Variants in HIPK3 observed in about 807,000 individuals in gnomAD.
The protein encoded by HIPK3 is homeodomain-interacting protein kinase 3.
HIPK3 carries 47 observed loss-of-function variants against 124.2 expected under a neutral mutation model. The ratio of observed to expected loss-of-function variants is 0.38; its 90% CI spans 0.30 to 0.48. The LOEUF (loss-of-function observed/expected upper bound fraction) is 0.48, where lower values mean the gene tolerates loss of function less well. Among genes scored for constraint, HIPK3 ranks in the 20% least tolerant of loss-of-function variants. HIPK3 has a pLI of 0.98. For missense variants in HIPK3, 1,286 were observed against 1,454.3 expected, an observed-to-expected ratio of 0.88 and a Z score of 1.88; for synonymous variants, 482 against 515.2, an observed-to-expected ratio of 0.94 and a Z score of 0.87.
intron 12 of HIPK3, 63 bp from the exon 13 acceptor site, chr11:33,348,459 C>A: frequency 1.5e-6 from 2 of 1,357,580 alleles, no homozygotes; most frequent in Non-Finnish European, 1.0e-6. Flanking sequence ...TAACAAGATA[C>A]CTTAGACAAT....
intron 1 of HIPK3, among the ~76,000 whole-genome samples, chr11:33,285,417 G>A (rs1162965892): frequency 6.6e-6 from 1 of 152,076 alleles, no homozygotes; most frequent in Non-Finnish European, 1.5e-5. Flanking sequence ...TGGGTAGAAA[G>A]TCATTAACTT....
intron 7 of HIPK3, 25 bp from the exon 8 acceptor site, chr11:33,341,538 C>G (rs755038088): frequency 1.3e-5 from 21 of 1,588,764 alleles, no homozygotes; most frequent in East Asian, 2.2e-5. Context: ...GAAGACTGCT[C>G]TATATAATGT....
chr11:33,295,585 G>GA, intron 2 of HIPK3, among the ~76,000 whole-genome samples: 1 of 152,352 alleles, frequency 6.6e-6, no homozygotes, highest in East Asian at 1.9e-4. Flanking sequence ...GTTAAGGCCC[G>GA]ACAGCTGCAG....
chr11:33,330,040 G>T (rs899250770), intron 3 of HIPK3, among the ~76,000 whole-genome samples: 9 of 152,108 alleles, frequency 5.9e-5, no homozygotes, highest in Non-Finnish European at 1.0e-4. Flanking sequence ...CCCAGTAACT[G>T]CCCCCTTTTC....
In HIPK3 at chr11:33,353,797, T is replaced by A; in HGVS notation, c.*229T>A. 1 of 470,994 alleles carries A rather than the reference T, an allele frequency of 2.1e-6. No homozygotes were observed. Among genetic ancestry groups the A allele is most frequent in the Non-Finnish European group, 3.9e-6 (1 of 258,778 alleles). 29.2% of individuals were successfully genotyped at this position (470,994 alleles called of 1,614,324 possible). Reference sequence around the variant, plus strand: ...TATGTAGTAACTCTAGACAGGTGACTTATGGGAGCAGAAGTCCAGTTTTGC... The same window carrying A: ...TATGTAGTAACTCTAGACAGGTGACATATGGGAGCAGAAGTCCAGTTTTGC... On this transcript the variant is annotated 3_prime_UTR_variant, in exon 17 of 17. Transcript: ENST00000303296.
At chr11:33,340,426 G>T (rs1209017708) in intron 6 of HIPK3, among the ~76,000 whole-genome samples, 1 of 152,200 alleles carries the variant, frequency 6.6e-6, no homozygotes, top group Admixed American at 6.5e-5. Context: ...GATGAAGGGA[G>T]TAAATTTAAG....
intron 8 of HIPK3, among the ~76,000 whole-genome samples, chr11:33,343,695 TAAG>T (rs1340088678): frequency 6.6e-6 from 1 of 152,226 alleles, no homozygotes; most frequent in Non-Finnish European, 1.5e-5. Context: ...TTGCTGGTAA[TAAG>T]AGATGTGAAA....
intron 2 of HIPK3, among the ~76,000 whole-genome samples, chr11:33,324,039 A>G (rs919886450): frequency 2.0e-5 from 3 of 152,218 alleles, no homozygotes; most frequent in African/African-American, 7.2e-5. Context: ...AAAGTAGAGG[A>G]AAAAAGTGGA....
intron 3 of HIPK3, chr11:33,335,640 T>C (rs1395166868): frequency 4.0e-5 from 6 of 151,376 alleles, no homozygotes; most frequent in African/African-American, 1.5e-4. Context: ...TTAAGGGAGG[T>C]TTACTTTTTT....
intron 1 of HIPK3, among the ~76,000 whole-genome samples, chr11:33,260,838 T>C (rs1394144579): frequency 1.3e-5 from 2 of 152,142 alleles, no homozygotes; most frequent in African/African-American, 4.8e-5. Flanking sequence ...AAAATAAATA[T>C]TCGTGTTGTA....
At chr11:33,301,577 G>A (rs1350996669) in intron 2 of HIPK3, among the ~76,000 whole-genome samples, 1 of 148,730 alleles carries the variant, frequency 6.7e-6, no homozygotes, top group Non-Finnish European at 1.5e-5. Flanking sequence ...GAGCCCAGGA[G>A]TTCAAGACCA....
At position 33,269,610 on chromosome 11, in the gene HIPK3, G is replaced by C. The variant is rs148904800; in HGVS notation, c.-3+11721G>C. Among the ~76,000 whole-genome samples, 20 of 152,070 alleles carry C rather than the reference G, an allele frequency of 1.3e-4. No homozygotes were observed. In the East Asian group the frequency reaches 3.9e-3, roughly 29 times the overall value. On this transcript the variant is annotated intron_variant, in intron 1 of 16. Coordinates refer to ENST00000303296, the MANE Select transcript of HIPK3 (RefSeq NM_005734.5). ...TTTTAATTGTGCCTCTTCAAGTCTA[G>C]GGTCCTCTGTTTCTTTTTCTGTTTC...
intron 2 of HIPK3, among the ~76,000 whole-genome samples, chr11:33,318,687 C>T (rs939012987): frequency 2.6e-5 from 4 of 152,106 alleles, no homozygotes; most frequent in African/African-American, 9.7e-5. Context: ...CTGTCTCTTC[C>T]CCTTTTCTTT....
At chr11:33,351,566 TG>T in intron 14 of HIPK3, 41 bp from the exon 15 acceptor site, 1 of 1,404,848 alleles carries the variant, frequency 7.1e-7, no homozygotes, top group Non-Finnish European at 1.0e-6. Context: ...GATTTAATGT[TG>T]GAAAAAAATA....
chr11:33,341,739 T>A, intron 8 of HIPK3, 53 bp downstream of exon 8: 1 of 1,479,398 alleles, frequency 6.8e-7, no homozygotes. Flanking sequence ...TATTTTAAAA[T>A]AAGTTTAGGA....
At position 33,329,226 on chromosome 11, in the gene HIPK3, A is replaced by G. The variant is rs893819383; in HGVS notation, c.1221+593A>G. ...GTACTATTAAACAGTGTTGTGTGCTAGTAGTCTTAAATATTAATACCAAGA... is the reference window on the plus strand; with the variant it reads ...GTACTATTAAACAGTGTTGTGTGCTGGTAGTCTTAAATATTAATACCAAGA... On this transcript the variant is annotated intron_variant, in intron 3 of 16. Coordinates refer to ENST00000303296, the MANE Select transcript of HIPK3 (RefSeq NM_005734.5). 5.9e-5 allele frequency among the ~76,000 whole-genome samples: 9 copies of G among 152,216 alleles called. No individual in the cohort carries two copies. The South Asian group carries it at 1.2e-3, about 21-fold the overall frequency.
intron 2 of HIPK3, among the ~76,000 whole-genome samples, chr11:33,311,975 T>TAC (rs71034672): frequency 0.018 from 2,415 of 137,038 alleles, 68 homozygotes; most frequent in African/African-American, 0.023. Flanking sequence ...ACCCTGTTTC[T>TAC]ACACACACAC....
In HIPK3 at chr11:33,287,072, A is replaced by C; in HGVS notation, c.658A>C (p.Asn220His). The change falls in exon 2 of 17, where the codon AAT (asparagine) becomes CAT (histidine). Residue 220 changes from asparagine (N) to histidine (H), a missense_variant. Around this residue, in one of 3 missense-constraint regions of HIPK3, gnomAD observed 251 missense variants for 349.1 expected, o/e 0.72. Coordinates refer to ENST00000303296, the MANE Select transcript of HIPK3 (RefSeq NM_005734.5). The part of the protein sequence containing the change: ...QVVKCWKRGT[N>H]EIVAIKILKN... ...AGTTAAATGCTGGAAAAGAGGGACA[A>C]ATGAAATTGTAGCAATCAAAATTTT... 6.2e-7 allele frequency: 1 copy of C among 1,614,234 alleles called. No individual in the cohort carries two copies. The highest frequency in any genetic ancestry group is 1.1e-5 in the South Asian group (1 of 91,086).
intron 2 of HIPK3, among the ~76,000 whole-genome samples, chr11:33,319,799 A>G (rs1852611807): frequency 6.6e-6 from 1 of 152,220 alleles, no homozygotes; most frequent in African/African-American, 2.4e-5. Context: ...CATGGAATTT[A>G]TGTTCTAGTG....
Sources: gnomAD v4.1 joint callset for allele counts (sites outside exome capture counted in the v4.1 genomes callset) on GRCh38, gnomAD v4.1.1 for gene constraint, gnomAD v4.1.1 regional missense constraint, MANE v1.5 for transcripts, NCBI Gene and HGNC (gene_info 2026-07-23, HGNC 2026-07-21) for gene names.